The following LRRC49 variants were observed in gnomAD, a reference collection of about 807,000 sequenced individuals.
LRRC49 encodes leucine-rich repeat-containing protein 49.
LRRC49 carries 50 observed loss-of-function variants against 83.3 expected under a neutral mutation model. The observed-to-expected ratio is 0.60, with a 90% CI of 0.48 to 0.76. LRRC49 has a LOEUF of 0.76. Ranked by LOEUF, LRRC49 falls within the 30% of genes least tolerant of loss-of-function variation. The probability of loss-of-function intolerance (pLI) is 0.00; values close to 1 mark genes in which losing one functional copy is unlikely to be tolerated. For synonymous variants in LRRC49, 286 were observed against 283.3 expected (o/e 1.01, Z -0.10); for missense variants, 704 against 809.1 (o/e 0.87, Z 1.58).
chr15:70,984,953 A>G (rs1404341055), intron 11 of LRRC49, among the ~76,000 whole-genome samples: 2 of 148,820 alleles, frequency 1.3e-5, no homozygotes, highest in East Asian at 3.9e-4. Context: ...TACAAAGGAC[A>G]TGAACTCATC....
rs2038533429 is a variant in LRRC49 at position 71,008,368 on chromosome 15, G to C, written c.1170-11G>C. ...TATCTTTCATTTAAAATTATACTTT[G>C]GGTTTTCCAGGCCTCTAGACTCAGG... On this transcript the variant is annotated splice_polypyrimidine_tract_variant and intron_variant, in intron 11 of 15. Transcript: ENST00000260382. The C allele has an allele frequency of 5.3e-6, 8 of 1,505,592 alleles. No homozygotes were observed. Among genetic ancestry groups the C allele is most frequent in the Middle Eastern group, 1.7e-4 (1 of 5,810 alleles). 93.3% of individuals were successfully genotyped at this position (1,505,592 alleles called of 1,614,324 possible).
intron 14 of LRRC49, among the ~76,000 whole-genome samples, chr15:71,016,402 C>A (rs1328757238): frequency 6.6e-6 from 1 of 151,880 alleles, no homozygotes; most frequent in Non-Finnish European, 1.5e-5. Context: ...CTTTAATGTA[C>A]TTATTAGAAA....
chr15:70,878,973 G>C (rs1252146748), intron 2 of LRRC49, among the ~76,000 whole-genome samples: 2 of 152,350 alleles, frequency 1.3e-5, no homozygotes, highest in South Asian at 2.1e-4. Flanking sequence ...GAGATGGGAA[G>C]TGTTCTCTAG....
At chr15:70,968,112 A>G (rs945709005) in intron 9 of LRRC49, among the ~76,000 whole-genome samples, 9 of 151,918 alleles carry the variant, frequency 5.9e-5, no homozygotes, top group African/African-American at 2.2e-4. Context: ...TGCATTAGAT[A>G]TTTCTCCTAA....
intron 14 of LRRC49, among the ~76,000 whole-genome samples, chr15:71,020,409 T>C (rs2038957978): frequency 6.6e-6 from 1 of 152,176 alleles, no homozygotes; most frequent in Admixed American, 6.5e-5. Context: ...GAGTCAGTAT[T>C]AAAACAGATA....
At chr15:70,952,625 T>G (rs1408048845) in intron 8 of LRRC49, among the ~76,000 whole-genome samples, 1 of 152,078 alleles carries the variant, frequency 6.6e-6, no homozygotes, top group East Asian at 1.9e-4. Context: ...GTTGGAGTGT[T>G]CTGTAGATGT....
intron 7 of LRRC49, among the ~76,000 whole-genome samples, chr15:70,920,021 T>A (rs1277872041): frequency 2.0e-5 from 3 of 152,242 alleles, no homozygotes; most frequent in Non-Finnish European, 4.4e-5. Flanking sequence ...ATAACTGTTC[T>A]GCTTTGTGAT....
At chr15:70,878,946 G>T (rs931166354) in intron 2 of LRRC49, among the ~76,000 whole-genome samples, 4 of 152,186 alleles carry the variant, frequency 2.6e-5, no homozygotes, top group African/African-American at 7.2e-5. Flanking sequence ...TTGGTAATAG[G>T]TTAATGCTGA....
chr15:70,939,856 T>TTG (rs1555431238), intron 8 of LRRC49, among the ~76,000 whole-genome samples: 21 of 151,344 alleles, frequency 1.4e-4, no homozygotes, highest in African/African-American at 4.6e-4. Flanking sequence ...GGTTTTTTTT[T>TTG]TTTTTTTTTT....
chr15:70,916,442 A>G (rs943210350), intron 6 of LRRC49, among the ~76,000 whole-genome samples: 1 of 152,120 alleles, frequency 6.6e-6, no homozygotes, highest in Non-Finnish European at 1.5e-5. Flanking sequence ...TTACAGGCCC[A>G]TGCCACCACA....
At chr15:70,889,360 C>CT (rs575891604), upstream of LRRC49, among the ~76,000 whole-genome samples, 25 of 150,860 alleles carry the variant, frequency 1.7e-4, no homozygotes, top group African/African-American at 4.9e-4. Context: ...ATATGAAATC[C>CT]CCCCCCCAAA....
chr15:70,857,482 A>G (rs1389682580), intron 1 of LRRC49, among the ~76,000 whole-genome samples: 1 of 151,466 alleles, frequency 6.6e-6, no homozygotes, highest in Non-Finnish European at 1.5e-5. Flanking sequence ...GGCAACAGAG[A>G]CCCCATCTTC....
chr15:70,913,373 T>G (rs913959362), intron 6 of LRRC49, among the ~76,000 whole-genome samples: 1 of 152,190 alleles, frequency 6.6e-6, no homozygotes. Context: ...CCTGATGTGT[T>G]TGTCTGTGTG....
intron 2 of LRRC49, among the ~76,000 whole-genome samples, chr15:70,878,667 G>A (rs937291135): frequency 9.2e-5 from 14 of 152,160 alleles, no homozygotes; most frequent in African/African-American, 3.4e-4. Context: ...ATAAATAGAT[G>A]TTGACTTTTG....
intron 7 of LRRC49, among the ~76,000 whole-genome samples, chr15:70,929,962 C>A (rs551647496): frequency 6.2e-4 from 95 of 152,178 alleles, no homozygotes; most frequent in Non-Finnish European, 9.4e-4. Flanking sequence ...AGTCTTGAAC[C>A]CCTCAAAGTC....
chr15:70,868,876 C>T (rs1468685208), intron 1 of LRRC49, among the ~76,000 whole-genome samples: 1 of 152,210 alleles, frequency 6.6e-6, no homozygotes, highest in Non-Finnish European at 1.5e-5. Context: ...TTAGTATAAA[C>T]ATTTTAGAAA....
chr15:70,938,475 T>C (rs1291154991), intron 8 of LRRC49, among the ~76,000 whole-genome samples: 1 of 152,180 alleles, frequency 6.6e-6, no homozygotes, highest in African/African-American at 2.4e-5. Context: ...TTCCAGCGGA[T>C]CTGCTTTTGA....
chr15:70,911,673 A>G, intron 6 of LRRC49, 75 bp downstream of exon 6: 1 of 854,938 alleles, frequency 1.2e-6, no homozygotes. Flanking sequence ...TTTAAGAATC[A>G]TACTCGCATT....
chr15:70,967,384 G>C (rs1473029414), intron 9 of LRRC49, among the ~76,000 whole-genome samples: 2 of 152,080 alleles, frequency 1.3e-5, no homozygotes, highest in African/African-American at 4.8e-5. Flanking sequence ...CTTGAAGATA[G>C]ATCGGAGAGG....
Sources: gnomAD v4.1 joint callset for allele counts (sites outside exome capture counted in the v4.1 genomes callset) on GRCh38, gnomAD v4.1.1 for gene constraint, MANE v1.5 for transcripts, NCBI Gene and HGNC (gene_info 2026-07-23, HGNC 2026-07-21) for gene names.